Variants in CHD4 observed in about 807,000 individuals in gnomAD.
CHD4 encodes ATP-dependent chromatin remodeler CHD4.
In CHD4, 35 loss-of-function variants were observed where a neutral mutation model predicts 235.5. That is an observed-to-expected ratio of 0.15 (90% CI 0.11 to 0.20). The LOEUF (loss-of-function observed/expected upper bound fraction) is 0.20. Ranked by LOEUF, CHD4 falls within the 10% of genes least tolerant of loss-of-function variation. The probability of loss-of-function intolerance (pLI) is 1.00; values close to 1 mark genes in which losing one functional copy is unlikely to be tolerated. For synonymous variants in CHD4, 900 were observed against 850.2 expected (o/e 1.06, Z -1.02); for missense variants, 1,329 against 2,432.3 (o/e 0.55, Z 9.54).
At chr12:6,579,916 C>T (rs1249016849) in intron 33 of CHD4, among the ~76,000 whole-genome samples, 1 of 150,538 alleles carries the variant, frequency 6.6e-6, no homozygotes, top group Non-Finnish European at 1.5e-5. Flanking sequence ...ATTAGCCGGG[C>T]ATGGTGGCAG....
intron 1 of CHD4, chr12:6,606,977 C>T: frequency 7.5e-6 from 1 of 132,762 alleles, no homozygotes; most frequent in Non-Finnish European, 1.6e-5. Flanking sequence ...ACGCGGGGGG[C>T]GAAAGCGTCC....
Position 6,578,040 on chromosome 12 carries a change from G to A in CHD4, c.5217C>T (p.Ala1739=), listed in dbSNP as rs34509399. The A allele has an allele frequency of 1.5e-3, 2,419 of 1,612,560 alleles. 6 individuals carry two copies. The highest frequency in any genetic ancestry group is 1.6e-3 in the Non-Finnish European group (1,912 of 1,179,988). Residue 1739 remains alanine, a synonymous_variant, in exon 36 of 40, where the codon GCC becomes GCT. Coordinates refer to ENST00000544040, the MANE Select transcript of CHD4 (RefSeq NM_001273.5). The part of the protein sequence containing the change: ...WHRRHDYWLL[A]GIINHGYARW... ...CAGGCAAAGGATACTTTATAATGCC[G>A]GCTAGCAGCCAGTAGTCATGCCGTC...
intron 22 of CHD4, 119 bp downstream of exon 22, chr12:6,591,347 C>A: frequency 2.7e-6 from 2 of 753,134 alleles, no homozygotes; most frequent in South Asian, 3.5e-5. Context: ...AAGCTTTACT[C>A]CATCTCAAAT....
At chr12:6,576,063 T>A (rs1948065348) in intron 37 of CHD4, among the ~76,000 whole-genome samples, 1 of 151,906 alleles carries the variant, frequency 6.6e-6, no homozygotes, top group Admixed American at 6.6e-5. Flanking sequence ...TTTTTTTTTT[T>A]AAGACAGGGT....
Position 6,606,465 on chromosome 12 carries a change from G to A in CHD4, c.-78-14C>T. On this transcript the variant is annotated splice_polypyrimidine_tract_variant and intron_variant, in intron 1 of 39. Coordinates refer to ENST00000544040, the MANE Select transcript of CHD4 (RefSeq NM_001273.5). The stretch of plus-strand genomic sequence containing the variant: ...TGGCCCGAGTCACTGTGCGGGGGAG[G>A]GGGGAGAAACACAGAACAGTCAGTG... 1 of 675,298 alleles carries A rather than the reference G, an allele frequency of 1.5e-6. No homozygotes were observed. The highest frequency in any genetic ancestry group is 1.8e-5 in the South Asian group (1 of 56,266). 41.8% of individuals were successfully genotyped at this position (675,298 alleles called of 1,614,324 possible).
chr12:6,591,677 C>T lies in CHD4; in HGVS notation c.3222+17G>A. The T allele has an allele frequency of 2.5e-6, 4 of 1,614,188 alleles. No individual in the cohort carries two copies. Among genetic ancestry groups the T allele is most frequent in the Non-Finnish European group, 3.4e-6 (4 of 1,180,020 alleles). On this transcript the variant is annotated intron_variant, in intron 21 of 39. Coordinates refer to ENST00000544040, the MANE Select transcript of CHD4 (RefSeq NM_001273.5). ...TTGTCTATGACTGTTCCCTAAAGCT[C>T]CCAGTCCACATGATACCTGGGAAAA...
rs556386962 is a variant in CHD4 at position 6,572,706 on chromosome 12, C to A, written c.5557+368G>T. Among the ~76,000 whole-genome samples the A allele has an allele frequency of 3.0e-3, 455 of 152,206 alleles. 3 individuals are homozygous for A. The highest frequency in any genetic ancestry group is 7.9e-3 in the South Asian group (38 of 4,824). The stretch of plus-strand genomic sequence containing the variant: ...CTGAGTAGCTAGGATTATAAGCGTG[C>A]GTTGCGCCACATGCCCAGCTAATTT... On this transcript the variant is annotated intron_variant, in intron 38 of 39. Coordinates refer to ENST00000544040, the MANE Select transcript of CHD4 (RefSeq NM_001273.5).
At chr12:6,601,217 G>A in intron 6 of CHD4, 72 bp downstream of exon 6, 2 of 1,578,718 alleles carry the variant, frequency 1.3e-6, no homozygotes, top group Non-Finnish European at 8.6e-7. Flanking sequence ...TGACAGACCA[G>A]CATTCCCATG....
At chr12:6,581,887 C>T (rs1948199005) in intron 30 of CHD4, 73 bp from the exon 31 acceptor site, 13 of 1,469,670 alleles carry the variant, frequency 8.8e-6, no homozygotes, top group South Asian at 3.0e-5. Context: ...CTTCCAGTCT[C>T]CGCCTCCCGG....
At chr12:6,576,982 G>C (rs1948082498) in intron 37 of CHD4, among the ~76,000 whole-genome samples, 1 of 151,708 alleles carries the variant, frequency 6.6e-6, no homozygotes, top group African/African-American at 2.4e-5. Flanking sequence ...TGTTGCACAG[G>C]CTGGAGTGCC....
intron 35 of CHD4, 71 bp from the exon 36 acceptor site, chr12:6,578,208 A>C: frequency 6.9e-7 from 1 of 1,442,372 alleles, no homozygotes; most frequent in South Asian, 1.1e-5. Context: ...AAAGCTACTT[A>C]TTCTTGTCCC....
chr12:6,582,352 T>G, intron 29 of CHD4, 71 bp from the exon 30 acceptor site: 4 of 1,487,824 alleles, frequency 2.7e-6, no homozygotes, highest in Non-Finnish European at 3.6e-6. Context: ...CATCCCTTCG[T>G]GAGGCATTAT....
rs759940656 is a variant in CHD4 at position 6,581,175 on chromosome 12, T to G, written c.4780-2A>C. 1.3e-5 allele frequency: 21 copies of G among 1,611,666 alleles called. No individual in the cohort carries two copies. The highest frequency in any genetic ancestry group is 1.8e-5 in the Non-Finnish European group (21 of 1,179,430). On this transcript the variant is annotated splice_acceptor_variant, in intron 32 of 39. Coordinates refer to ENST00000544040, the MANE Select transcript of CHD4 (RefSeq NM_001273.5). LOFTEE classifies it high-confidence loss of function. ...GGCAGGGGCAGGGGCCTGTGTACACTTCAAAGGAAAAAAAAACAAAAACAA... is the reference window on the plus strand; with the variant it reads ...GGCAGGGGCAGGGGCCTGTGTACACGTCAAAGGAAAAAAAAACAAAAACAA...
intron 1 of CHD4, 50 bp downstream of exon 1, chr12:6,607,250 C>G (rs1231983804): frequency 6.6e-6 from 1 of 152,138 alleles, no homozygotes. Flanking sequence ...ACCCTCGGGG[C>G]TGGTAGGGCC....
chr12:6,582,186 C>T lies in CHD4; in HGVS notation c.4466G>A (p.Arg1489His). 1 of 1,598,512 alleles carries T rather than the reference C, an allele frequency of 6.3e-7. No individual in the cohort carries two copies. Among genetic ancestry groups the T allele is most frequent in the Non-Finnish European group, 8.5e-7 (1 of 1,173,362 alleles). ...ACCAATTCTAGTAAGGACATGCTGG[C>T]GAGACAGGCCTTCTCGGGGGACACC... ...ADGVPREGLS[R>H]QHVLTRIGVM... The change falls in exon 30 of 40, where the codon CGC (arginine) becomes CAC (histidine). Residue 1489 changes from arginine to histidine, a missense_variant. By Grantham distance (29) the Arg-to-His change is conservative. Around this residue, in one of 26 missense-constraint regions of CHD4, gnomAD observed 48 missense variants for 109.6 expected, o/e 0.44. Coordinates refer to ENST00000544040, the MANE Select transcript of CHD4 (RefSeq NM_001273.5).
At chr12:6,606,675 G>C (rs1948706634) in intron 1 of CHD4, 1 of 294,562 alleles carries the variant, frequency 3.4e-6, no homozygotes, top group South Asian at 6.9e-5. Flanking sequence ...GGGCAGGCTG[G>C]TGCAAGCGCG....
chr12:6,595,883 G>A (rs1948484625), intron 13 of CHD4, 123 bp downstream of exon 13: 1 of 1,079,946 alleles, frequency 9.3e-7, no homozygotes, highest in Non-Finnish European at 1.3e-6. Flanking sequence ...GTTTGAACCA[G>A]GAAGTCGGAG....
chr12:6,576,784 T>G (rs958253521), intron 37 of CHD4, among the ~76,000 whole-genome samples: 7 of 152,208 alleles, frequency 4.6e-5, no homozygotes, highest in Non-Finnish European at 8.8e-5. Context: ...TGATTACACA[T>G]GTGCTCCTAC....
rs2136224932 is a variant in CHD4 at position 6,601,517 on chromosome 12, C to A, written c.571G>T (p.Ala191Ser). The A allele has an allele frequency of 4.3e-6, 7 of 1,614,122 alleles. No individual in the cohort carries two copies. Among genetic ancestry groups the A allele is most frequent in the Non-Finnish European group, 2.5e-6 (3 of 1,180,024 alleles). The change falls in exon 6 of 40, where the codon GCC (alanine) becomes TCC (serine). Residue 191 changes from alanine to serine, a missense_variant. Coordinates refer to ENST00000544040, the MANE Select transcript of CHD4 (RefSeq NM_001273.5). The stretch of plus-strand genomic sequence containing the variant: ...GAGACAGCAATCTTGGGATTTTTGG[C>A]AGCAATGAGGGGTCTGGTGGAGAAA... ...FSQFVRPLIA[A>S]KNPKIAVSKM...
Sources: allele counts gnomAD v4.1 joint callset (sites outside exome capture counted in the v4.1 genomes callset), GRCh38; gene constraint gnomAD v4.1.1; regional missense constraint gnomAD v4.1.1; transcripts MANE v1.5; gene names NCBI Gene and HGNC (gene_info 2026-07-23, HGNC 2026-07-21).